Variants in ARHGAP44 observed in about 807,000 individuals in gnomAD.
ARHGAP44 encodes the protein Rho GTPase activating protein 44.
Under a neutral mutation model 106.8 loss-of-function variants are expected in ARHGAP44, and 43 were observed. The observed-to-expected ratio is 0.40, with a 90% confidence interval of 0.32 to 0.52. ARHGAP44 has a LOEUF of 0.52. Among genes scored for constraint, ARHGAP44 ranks in the 20% least tolerant of loss-of-function variants. The pLI, the probability that ARHGAP44 is intolerant of heterozygous loss-of-function variation, is 0.48. For missense variants in ARHGAP44, 866 were observed against 1,050.5 expected (o/e 0.82, Z 2.43); for synonymous variants, 439 against 410.3 (o/e 1.07, Z -0.85).
chr17:12,939,844 A>G (rs1243528976), intron 7 of ARHGAP44, among the ~76,000 whole-genome samples: 2 of 152,222 alleles, frequency 1.3e-5, no homozygotes, highest in Admixed American at 6.5e-5. Flanking sequence ...CTGTACTTCA[A>G]GCTCTCTGGA....
chr17:12,804,643 T>C lies in ARHGAP44; in HGVS notation c.53+14752T>C, dbSNP rs1010368755. Among the ~76,000 whole-genome samples, 4 of 152,268 alleles carry C rather than the reference T, an allele frequency of 2.6e-5. No homozygotes were observed. The East Asian group carries it at 7.7e-4, about 29-fold the overall frequency. On this transcript the variant is annotated intron_variant, in intron 1 of 20. Coordinates refer to ENST00000379672, the MANE Select transcript of ARHGAP44 (RefSeq NM_014859.6). ...ATGTGTCATGGAGATTGTTCTTCAA[T>C]GAAGTTCAAGTATTCCCCTTTAGCA...
At chr17:12,932,900 T>C (rs2038442432) in intron 7 of ARHGAP44, among the ~76,000 whole-genome samples, 1 of 152,198 alleles carries the variant, frequency 6.6e-6, no homozygotes, top group South Asian at 2.1e-4. Flanking sequence ...ATAGCAAATA[T>C]AATCTTCAGT....
chr17:12,884,270 T>C (rs531879305), intron 1 of ARHGAP44, among the ~76,000 whole-genome samples: 1 of 152,362 alleles, frequency 6.6e-6, no homozygotes, highest in South Asian at 2.1e-4. Context: ...CTGTGTTTAC[T>C]ATTTTACTTT....
In ARHGAP44 at chr17:12,943,535, A is replaced by G; in HGVS notation, c.652-53A>G. 3 of 1,569,398 alleles carry G rather than the reference A, an allele frequency of 1.9e-6. No homozygotes were observed. The South Asian group carries it at 3.3e-5, about 18-fold the overall frequency. On this transcript the variant is annotated intron_variant, in intron 8 of 20. Transcript: ENST00000379672. ...TGCAAAATGCTTTGCATGCCATGGC[A>G]GCCTGTGTCCTTGCCCCTCACTAAG...
At chr17:12,862,100 G>A (rs1392599831) in intron 1 of ARHGAP44, among the ~76,000 whole-genome samples, 3 of 152,086 alleles carry the variant, frequency 2.0e-5, no homozygotes, top group Admixed American at 6.6e-5. Flanking sequence ...TTTGGGAGGC[G>A]GGGCATTATT....
intron 1 of ARHGAP44, among the ~76,000 whole-genome samples, chr17:12,841,574 C>CCTGTCTGT (rs1285641642): frequency 3.5e-3 from 375 of 108,084 alleles, no homozygotes; most frequent in African/African-American, 0.014. Context: ...AGAGTGAGAC[C>CCTGTCTGT]CTGTCTCTCT....
At chr17:12,946,228 G>A (rs1324560735) in intron 10 of ARHGAP44, among the ~76,000 whole-genome samples, 4 of 152,088 alleles carry the variant, frequency 2.6e-5, no homozygotes, top group African/African-American at 4.8e-5. Flanking sequence ...TTCTTGTTAC[G>A]TTTCTGCCTC....
rs1198841504 is a variant in ARHGAP44, at chr17:12,990,254, C to CAAG, written c.*84_*86dup. Reference sequence around the variant, plus strand: ...CCAGGAGCAGCGTCCATGAGCTTGCCAAGTGTTCTCTGCTGGCTCTTTCCT... The same window carrying CAAG: ...CCAGGAGCAGCGTCCATGAGCTTGCCAAGAAGTGTTCTCTGCTGGCTCTTTCCT... On this transcript the variant is annotated 3_prime_UTR_variant, in exon 21 of 21. Coordinates refer to ENST00000379672, the MANE Select transcript of ARHGAP44 (RefSeq NM_014859.6). The CAAG allele has an allele frequency of 8.0e-6, 12 of 1,502,804 alleles. No homozygotes were observed. The African/African-American group carries it at 8.3e-5, about 10-fold the overall frequency. 93.1% of individuals were successfully genotyped at this position (1,502,804 alleles called of 1,614,324 possible).
At chr17:12,796,781 A>AT (rs1597852859) in intron 1 of ARHGAP44, among the ~76,000 whole-genome samples, 3 of 147,904 alleles carry the variant, frequency 2.0e-5, no homozygotes, top group East Asian at 2.0e-4. Flanking sequence ...TTTTTTTTGA[A>AT]TTTTTAGTGG....
intron 3 of ARHGAP44, among the ~76,000 whole-genome samples, 195 bp from the exon 4 acceptor site, chr17:12,908,702 C>T (rs894947954): frequency 2.0e-5 from 3 of 152,152 alleles, no homozygotes; most frequent in African/African-American, 4.8e-5. Flanking sequence ...ATTCAGTTCT[C>T]GTTTTCTGAA....
chr17:12,896,549 C>A, intron 3 of ARHGAP44, 38 bp downstream of exon 3: 1 of 1,535,734 alleles, frequency 6.5e-7, no homozygotes, highest in Non-Finnish European at 8.8e-7. Flanking sequence ...TGAAATCTTG[C>A]CTACTGAGGA....
At position 12,789,872 on chromosome 17, in the gene ARHGAP44, G is replaced by A. The variant is rs867188450; in HGVS notation, c.34G>A (p.Ala12Thr). The A allele has an allele frequency of 6.6e-7, 1 of 1,522,110 alleles. No individual in the cohort carries two copies. The highest frequency in any genetic ancestry group is 2.7e-5 in the East Asian group (1 of 36,584). The allele number at this position is 1,522,110 out of a possible 1,614,324, so 94.3% of individuals were successfully genotyped here. A position where few individuals can be genotyped will look rare whatever the true frequency, so the allele number is the denominator to read the frequency against. Residue 12 changes from alanine (A) to threonine (T), a missense_variant, in exon 1 of 21, where the codon GCC (alanine) becomes ACC (threonine). By Grantham distance (58) the Ala-to-Thr change is moderately conservative. Coordinates refer to ENST00000379672, the MANE Select transcript of ARHGAP44 (RefSeq NM_014859.6). ...GCAGTTCAATCGCATGCGCCAGCTG[G>A]CCAACCAGACGGTGGGCAGGTAGGT... ...KKQFNRMRQL[A>T]NQTVGRAEKT...
At chr17:12,793,841 T>A (rs1051637567) in intron 1 of ARHGAP44, among the ~76,000 whole-genome samples, 1 of 152,256 alleles carries the variant, frequency 6.6e-6, no homozygotes, top group African/African-American at 2.4e-5. Context: ...CAGGGACAGC[T>A]GCCCTAACGC....
intron 1 of ARHGAP44, among the ~76,000 whole-genome samples, chr17:12,825,447 A>G (rs2034892311): frequency 6.7e-6 from 1 of 149,470 alleles, no homozygotes; most frequent in South Asian, 2.2e-4. Context: ...TGTGCATTAT[A>G]GAGAGAGAGA....
intron 1 of ARHGAP44, among the ~76,000 whole-genome samples, chr17:12,842,178 A>G (rs2035429685): frequency 6.6e-6 from 1 of 151,812 alleles, no homozygotes; most frequent in African/African-American, 2.4e-5. Context: ...TCCAGGGCTG[A>G]GACAGGAGGA....
chr17:12,846,852 C>T (rs61311727), intron 1 of ARHGAP44, among the ~76,000 whole-genome samples: 7,096 of 152,270 alleles, frequency 0.047, 211 homozygotes, highest in African/African-American at 0.086. Context: ...TTTGCGTGCA[C>T]AGCAATCATA....
chr17:12,885,041 C>T (rs750828238), intron 1 of ARHGAP44, among the ~76,000 whole-genome samples: 2 of 152,170 alleles, frequency 1.3e-5, no homozygotes, highest in Non-Finnish European at 2.9e-5. Context: ...GCTGGGACTA[C>T]AGGCACCCAC....
chr17:12,967,249 CTTTT>C (rs57651305), intron 16 of ARHGAP44, among the ~76,000 whole-genome samples: 2,718 of 92,930 alleles, frequency 0.029, 130 homozygotes, highest in African/African-American at 0.11. Flanking sequence ...ACTCTTTTTG[CTTTT>C]TTTTTTTTTT....
intron 7 of ARHGAP44, among the ~76,000 whole-genome samples, chr17:12,940,568 T>G (rs2038679286): frequency 6.6e-6 from 1 of 152,336 alleles, no homozygotes; most frequent in South Asian, 2.1e-4. Flanking sequence ...TTATCCAAGC[T>G]TCCTCCAAAT....
Sources: gnomAD v4.1 joint callset for allele counts (sites outside exome capture counted in the v4.1 genomes callset) on GRCh38, gnomAD v4.1.1 for gene constraint, MANE v1.5 for transcripts, NCBI Gene and HGNC (gene_info 2026-07-23, HGNC 2026-07-21) for gene names.